The following RGS3 variants were observed in gnomAD, a reference collection of about 807,000 sequenced individuals.
RGS3 encodes the protein regulator of G protein signaling 3.
Under a neutral mutation model 132.6 loss-of-function variants are expected in RGS3, and 80 were observed. The ratio of observed to expected loss-of-function variants is 0.60; its 90% CI spans 0.50 to 0.73. The LOEUF (loss-of-function observed/expected upper bound fraction) is 0.73. Among genes scored for constraint, RGS3 ranks in the 30% least tolerant of loss-of-function variants. The pLI, the probability that RGS3 is intolerant of heterozygous loss-of-function variation, is 0.00. For missense variants in RGS3, 1,382 were observed against 1,530.8 expected, an observed-to-expected ratio of 0.90 and a Z score of 1.62; for synonymous variants, 598 against 620.6, an observed-to-expected ratio of 0.96 and a Z score of 0.54.
intron 19 of RGS3, among the ~76,000 whole-genome samples, chr9:113,551,340 T>C (rs562261056): frequency 3.3e-5 from 5 of 152,382 alleles, no homozygotes; most frequent in African/African-American, 1.2e-4. Flanking sequence ...TTCTGTTGTA[T>C]GGAATATCAC....
chr9:113,569,092 C>A (rs1033239717), intron 19 of RGS3, among the ~76,000 whole-genome samples: 10 of 152,236 alleles, frequency 6.6e-5, no homozygotes, highest in African/African-American at 2.4e-4. Context: ...TGGGCCAGCC[C>A]GCTTGCACCT....
chr9:113,485,174 G>A (rs1222594407), intron 6 of RGS3, among the ~76,000 whole-genome samples: 2 of 151,956 alleles, frequency 1.3e-5, no homozygotes, highest in African/African-American at 2.4e-5. Context: ...TGTAAGCTCC[G>A]CCTCCTGGGT....
intron 7 of RGS3, among the ~76,000 whole-genome samples, chr9:113,489,895 A>G (rs962131271): frequency 2.0e-5 from 3 of 152,178 alleles, no homozygotes; most frequent in Non-Finnish European, 4.4e-5. Flanking sequence ...CTGATAGGAG[A>G]TAACAGGAAA....
intron 17 of RGS3, among the ~76,000 whole-genome samples, chr9:113,526,113 G>A (rs1262392117): frequency 6.6e-6 from 1 of 152,222 alleles, no homozygotes; most frequent in Non-Finnish European, 1.5e-5. Context: ...TTGTGTTGCT[G>A]CCTCCCAGGT....
intron 1 of RGS3, among the ~76,000 whole-genome samples, chr9:113,453,080 T>C (rs915168576): frequency 7.4e-6 from 1 of 135,632 alleles, no homozygotes; most frequent in Non-Finnish European, 1.5e-5. Context: ...TATATTTATA[T>C]AATATAGAAA....
At chr9:113,553,460 AT>A (rs1295103475) in intron 19 of RGS3, among the ~76,000 whole-genome samples, 498 of 49,718 alleles carry the variant, frequency 0.01, 32 homozygotes, top group African/African-American at 0.029. Flanking sequence ...AAAAAAAAAA[AT>A]ATATATATAT....
intron 17 of RGS3, among the ~76,000 whole-genome samples, chr9:113,523,825 T>C (rs571931066): frequency 6.6e-6 from 1 of 152,308 alleles, no homozygotes; most frequent in African/African-American, 2.4e-5. Flanking sequence ...GAAAGAATTC[T>C]GTTTTGGTGG....
exon 6 of RGS3, chr9:113,484,208 C>T (rs764353446): frequency 2.6e-5 from 42 of 1,609,596 alleles, no homozygotes; most frequent in Non-Finnish European, 3.3e-5. Flanking sequence ...TGCAGAGACC[C>T]GGCTTTCCAC....
intron 21 of RGS3, chr9:113,592,748 A>G (rs1015258388): frequency 6.6e-6 from 1 of 152,164 alleles, no homozygotes; most frequent in African/African-American, 2.4e-5. Flanking sequence ...TCGGCCTCCC[A>G]AAGTGCTGGG....
At chr9:113,534,692 GC>G (rs930396559) in intron 18 of RGS3, among the ~76,000 whole-genome samples, 1 of 149,546 alleles carries the variant, frequency 6.7e-6, no homozygotes, top group Admixed American at 6.7e-5. Flanking sequence ...GCTTACTGTA[GC>G]CTCAAGCTCC....
chr9:113,459,754 A>G (rs976472934), upstream of RGS3, among the ~76,000 whole-genome samples: 1 of 151,492 alleles, frequency 6.6e-6, no homozygotes, highest in Non-Finnish European at 1.5e-5. Flanking sequence ...ATAAAAAAAA[A>G]GAGGCCGGGC....
rs116633471 is a variant in RGS3 at position 113,524,170 on chromosome 9, G to A, written c.1870+1129G>A. On this transcript the variant is annotated intron_variant, in intron 17 of 24. Coordinates refer to ENST00000350696, the Ensembl canonical transcript of RGS3. ...GAGGGCATTAGGTTGGAGTTCCAGT[G>A]GCCTCTGTTCCTGGGCTTTCCTGCC... Among the ~76,000 whole-genome samples the A allele has an allele frequency of 6.4e-3, 979 of 152,282 alleles. 18 individuals are homozygous for A. The highest frequency in any genetic ancestry group is 0.022 in the African/African-American group (912 of 41,550).
intron 3 of RGS3, among the ~76,000 whole-genome samples, chr9:113,475,150 A>C (rs1829951622): frequency 6.6e-6 from 1 of 152,042 alleles, no homozygotes; most frequent in Non-Finnish European, 1.5e-5. Context: ...GGCCCTGTCT[A>C]TTCTCCCTTT....
At chr9:113,502,254 C>A (rs554770189) in intron 10 of RGS3, among the ~76,000 whole-genome samples, 1 of 152,244 alleles carries the variant, frequency 6.6e-6, no homozygotes, top group African/African-American at 2.4e-5. Flanking sequence ...TGTGATGGGC[C>A]ATTTTTTCTC....
chr9:113,563,452 C>A (rs946143028), intron 19 of RGS3, among the ~76,000 whole-genome samples: 3 of 152,172 alleles, frequency 2.0e-5, no homozygotes, highest in Non-Finnish European at 4.4e-5. Context: ...ATTCAGGCTC[C>A]CCACCCTAAG....
At chr9:113,582,320 C>G (rs1209838034) in intron 19 of RGS3, 14 of 633,732 alleles carry the variant, frequency 2.2e-5, no homozygotes, top group Non-Finnish European at 2.8e-5. Flanking sequence ...GAGCTCTTAA[C>G]CCATGTTCTG....
Position 113,490,363 on chromosome 9 carries a change from G to A in RGS3, c.689+4670G>A, listed in dbSNP as rs148932247. 7.7e-4 allele frequency among the ~76,000 whole-genome samples: 116 copies of A among 151,626 alleles called. 1 individual carries two copies. Among genetic ancestry groups the A allele is most frequent in the African/African-American group, 2.5e-3 (103 of 41,304 alleles). On this transcript the variant is annotated intron_variant, in intron 7 of 24. Transcript: ENST00000350696. ...GTGAATTATTTTAAAGCAAATCCCA[G>A]ACATCTCATCTCATCGGTATATATT...
chr9:113,479,248 C>A, intron 3 of RGS3: 1 of 555,172 alleles, frequency 1.8e-6, no homozygotes. Context: ...GTGAGCTCCC[C>A]ATCACCAGAG....
At chr9:113,567,703 A>G (rs1009275750) in intron 19 of RGS3, among the ~76,000 whole-genome samples, 2 of 152,164 alleles carry the variant, frequency 1.3e-5, no homozygotes, top group African/African-American at 4.8e-5. Flanking sequence ...GGCTAGGTGG[A>G]ATTCACAGCA....
Sources: allele counts gnomAD v4.1 joint callset (sites outside exome capture counted in the v4.1 genomes callset), GRCh38; gene constraint gnomAD v4.1.1; transcripts MANE v1.5; gene names NCBI Gene and HGNC (gene_info 2026-07-23, HGNC 2026-07-21).